The following DNAAF9 variants were observed in gnomAD, a reference collection of about 807,000 sequenced individuals.
DNAAF9 encodes shulin.
In DNAAF9, 90 loss-of-function variants were observed where a neutral mutation model predicts 167.0. The observed-to-expected ratio is 0.54, with a 90% CI of 0.45 to 0.64. The LOEUF is 0.64. DNAAF9 is among the 30% of genes least tolerant of loss of function. The pLI is 0.00. For synonymous variants in DNAAF9, 491 were observed against 508.8 expected (o/e 0.96, Z 0.47); for missense variants, 1,315 against 1,442.2 (o/e 0.91, Z 1.43).
intron 11 of DNAAF9, 25 bp downstream of exon 11, chr20:3,332,255 G>A (rs749657731): frequency 3.1e-5 from 35 of 1,131,594 alleles, no homozygotes; most frequent in Middle Eastern, 1.9e-4. Flanking sequence ...ATAAGCTGAT[G>A]AGATGACAAC....
At chr20:3,357,371 G>A (rs754556676) in intron 7 of DNAAF9, among the ~76,000 whole-genome samples, 11 of 152,032 alleles carry the variant, frequency 7.2e-5, no homozygotes, top group South Asian at 2.1e-4. Context: ...CTTGGGAGGC[G>A]GAGGCAGGAG....
At chr20:3,264,582 T>C in intron 30 of DNAAF9, 58 bp from the exon 31 acceptor site, 1 of 911,546 alleles carries the variant, frequency 1.1e-6, no homozygotes, top group Non-Finnish European at 1.8e-6. Context: ...TCTTTTTTTT[T>C]TTTCTTGAGA....
chr20:3,297,377 G>C (rs552376841), intron 22 of DNAAF9, among the ~76,000 whole-genome samples: 17 of 152,286 alleles, frequency 1.1e-4, no homozygotes, highest in African/African-American at 3.8e-4. Flanking sequence ...CAGCAAAGGT[G>C]GAAGACACAG....
intron 30 of DNAAF9, among the ~76,000 whole-genome samples, chr20:3,265,351 G>A (rs932309604): frequency 6.6e-6 from 1 of 151,592 alleles, no homozygotes; most frequent in South Asian, 2.1e-4. Flanking sequence ...GATCACCTGG[G>A]GTCAGGAGTT....
chr20:3,323,711 TAGG>T (rs971384018), intron 14 of DNAAF9, among the ~76,000 whole-genome samples: 44 of 152,286 alleles, frequency 2.9e-4, no homozygotes, highest in Admixed American at 2.1e-3. Flanking sequence ...CACCTAGGCC[TAGG>T]AGGCCTTGGG....
intron 27 of DNAAF9, among the ~76,000 whole-genome samples, chr20:3,283,333 G>T (rs1176822716): frequency 6.6e-6 from 1 of 152,146 alleles, no homozygotes. Flanking sequence ...CTGTAAAAAG[G>T]CCCTTGGCTT....
chr20:3,395,299 CT>C (rs958942411), intron 1 of DNAAF9, among the ~76,000 whole-genome samples: 3 of 144,564 alleles, frequency 2.1e-5, no homozygotes, highest in African/African-American at 7.7e-5. Context: ...TTTTTTTTTT[CT>C]GAGACAGCCT....
chr20:3,320,796 G>C (rs145502117), intron 16 of DNAAF9, among the ~76,000 whole-genome samples: 138 of 152,244 alleles, frequency 9.1e-4, no homozygotes, highest in African/African-American at 3.1e-3. Flanking sequence ...GATGGTGATG[G>C]GGATGCGCTT....
intron 12 of DNAAF9, among the ~76,000 whole-genome samples, chr20:3,330,402 C>A (rs1482337211): frequency 6.6e-6 from 1 of 152,102 alleles, no homozygotes; most frequent in Non-Finnish European, 1.5e-5. Flanking sequence ...ACCACTATGC[C>A]TGGCTAATTT....
intron 28 of DNAAF9, among the ~76,000 whole-genome samples, chr20:3,280,881 C>A (rs2068753683): frequency 6.6e-6 from 1 of 152,086 alleles, no homozygotes; most frequent in Non-Finnish European, 1.5e-5. Flanking sequence ...TCCAAGTGTG[C>A]TGAGATTACA....
chr20:3,401,825 C>A (rs1457626962), intron 1 of DNAAF9, among the ~76,000 whole-genome samples: 2 of 150,218 alleles, frequency 1.3e-5, no homozygotes, highest in Middle Eastern at 6.8e-3. Context: ...CCTATGTCAC[C>A]CAAGCTACCT....
chr20:3,292,932 A>C (rs962880507), intron 25 of DNAAF9, among the ~76,000 whole-genome samples: 2 of 152,050 alleles, frequency 1.3e-5, no homozygotes, highest in Non-Finnish European at 2.9e-5. Flanking sequence ...TAAAAATACA[A>C]AAAATTAACA....
At chr20:3,289,065 G>A (rs1237742009) in intron 26 of DNAAF9, among the ~76,000 whole-genome samples, 3 of 152,270 alleles carry the variant, frequency 2.0e-5, no homozygotes, top group Admixed American at 2.0e-4. Flanking sequence ...TGGAATCTAA[G>A]CTGGGTGCAC....
Position 3,336,972 on chromosome 20 carries a change from C to T in DNAAF9, c.981+3532G>A, listed in dbSNP as rs185299237. On this transcript the variant is annotated intron_variant, in intron 10 of 36. Transcript: ENST00000252032. ...TCGGCTCACTGCAAGCTCCGCCTCCCGGGTTCACACCGTTCTCCTGCCTCA... is the reference window on the plus strand; with the variant it reads ...TCGGCTCACTGCAAGCTCCGCCTCCTGGGTTCACACCGTTCTCCTGCCTCA... 1.6e-3 allele frequency among the ~76,000 whole-genome samples: 245 copies of T among 151,320 alleles called. 1 individual carries two copies. The highest frequency in any genetic ancestry group is 5.7e-3 in the African/African-American group (233 of 41,234).
At chr20:3,330,070 T>C (rs369981288) in intron 12 of DNAAF9, among the ~76,000 whole-genome samples, 4 of 152,138 alleles carry the variant, frequency 2.6e-5, no homozygotes, top group African/African-American at 4.8e-5. Flanking sequence ...ATGCATTATA[T>C]AGAAAACATA....
intron 28 of DNAAF9, among the ~76,000 whole-genome samples, chr20:3,280,949 C>G (rs767733044): frequency 1.3e-5 from 2 of 151,936 alleles, no homozygotes; most frequent in Non-Finnish European, 2.9e-5. Context: ...ATTCCATAAT[C>G]ATGTTCACCC....
chr20:3,273,886 A>C (rs889047173), intron 29 of DNAAF9, among the ~76,000 whole-genome samples: 11 of 152,212 alleles, frequency 7.2e-5, no homozygotes, highest in Admixed American at 3.9e-4. Context: ...GAGTATATAC[A>C]AAAGTGTTGA....
chr20:3,255,371 C>A, intron 34 of DNAAF9, 87 bp from the exon 35 acceptor site: 1 of 761,616 alleles, frequency 1.3e-6, no homozygotes, highest in Non-Finnish European at 2.3e-6. Flanking sequence ...TATTACACAA[C>A]TAAGATCTCA....
At chr20:3,370,781 C>T (rs1389252325) in intron 6 of DNAAF9, among the ~76,000 whole-genome samples, 1 of 152,104 alleles carries the variant, frequency 6.6e-6, no homozygotes, top group Non-Finnish European at 1.5e-5. Context: ...GCGATCCTCC[C>T]GCCTTGGCCT....
Sources: gnomAD v4.1 joint callset for allele counts (sites outside exome capture counted in the v4.1 genomes callset) on GRCh38, gnomAD v4.1.1 for gene constraint, MANE v1.5 for transcripts, NCBI Gene and HGNC (gene_info 2026-07-23, HGNC 2026-07-21) for gene names.